EGLN3: variants seen among roughly 807,000 people sequenced by gnomAD.
EGLN3 encodes the protein egl-9 family hypoxia inducible factor 3.
Under a neutral mutation model 26.0 loss-of-function variants are expected in EGLN3, and 15 were observed. That is an observed-to-expected ratio of 0.58 (90% CI 0.39 to 0.89). The LOEUF is 0.89. Ranked by LOEUF, EGLN3 falls within the 40% of genes least tolerant of loss-of-function variation. The pLI, the probability that EGLN3 is intolerant of heterozygous loss-of-function variation, is 0.00. For synonymous variants in EGLN3, 147 were observed against 127.2 expected (o/e 1.16, Z -1.05); for missense variants, 238 against 311.6 (o/e 0.76, Z 1.78).
At chr14:33,937,312 C>G (rs560209384) in intron 1 of EGLN3, among the ~76,000 whole-genome samples, 2 of 152,212 alleles carry the variant, frequency 1.3e-5, no homozygotes, top group Admixed American at 6.5e-5. Flanking sequence ...TGTAAGCAAA[C>G]GTGAGCTCTT....
intron 3 of EGLN3, among the ~76,000 whole-genome samples, chr14:33,928,179 C>A (rs1261353414): frequency 4.6e-5 from 7 of 152,110 alleles, no homozygotes; most frequent in African/African-American, 1.7e-4. Flanking sequence ...TGGTAGAATT[C>A]GTTCCCTGCT....
At position 33,926,906 on chromosome 14, in the gene EGLN3, T is replaced by A. The variant is rs1036438713; in HGVS notation, c.688+54A>T. The A allele has an allele frequency of 3.7e-6, 5 of 1,352,832 alleles. No homozygotes were observed. In the South Asian group the frequency reaches 6.5e-5, roughly 18 times the overall value. 83.8% of individuals were successfully genotyped at this position (1,352,832 alleles called of 1,614,324 possible). A position where few individuals can be genotyped will look rare whatever the true frequency, so the allele number is the denominator to read the frequency against. The stretch of plus-strand genomic sequence containing the variant: ...ATGTTTAAAACTACATAAAATTGAA[T>A]AAAAGTCAAGGATTAACTTGATCAA... On this transcript the variant is annotated intron_variant, in intron 4 of 4. Coordinates refer to ENST00000250457, the MANE Select transcript of EGLN3 (RefSeq NM_022073.4).
Position 33,929,185 on chromosome 14 carries a change from G to A in EGLN3, c.505C>T (p.Pro169Ser). 1 of 1,614,178 alleles carries A rather than the reference G, an allele frequency of 6.2e-7. No homozygotes were observed. The highest frequency in any genetic ancestry group is 8.5e-7 in the Non-Finnish European group (1 of 1,180,008). ...TCTGCTATGAATGATTTCCCCTCTG[G>A]AAATATCCGCAGGATCCCACCATGT... ...KLHGGILRIF[P>S]EGKSFIADVE... The change falls in exon 3 of 5, where the codon CCA (proline) becomes TCA (serine). Residue 169 changes from proline (P) to serine (S), a missense_variant. By Grantham distance (74) the Pro-to-Ser change is moderately conservative. Transcript: ENST00000250457.
At chr14:33,935,442 A>G (rs1269934251) in intron 1 of EGLN3, among the ~76,000 whole-genome samples, 1 of 152,158 alleles carries the variant, frequency 6.6e-6, no homozygotes, top group Admixed American at 6.5e-5. Flanking sequence ...GGTGTGTGTT[A>G]TGCCACCTAC....
intron 1 of EGLN3, among the ~76,000 whole-genome samples, chr14:33,937,508 C>T (rs1048357688): frequency 6.6e-6 from 1 of 152,232 alleles, no homozygotes; most frequent in African/African-American, 2.4e-5. Flanking sequence ...ATAACACAAG[C>T]TGTGTCCAGC....
At chr14:33,937,018 C>T in intron 1 of EGLN3, among the ~76,000 whole-genome samples, 1 of 152,216 alleles carries the variant, frequency 6.6e-6, no homozygotes, top group Non-Finnish European at 1.5e-5. Context: ...TCTTCAAGGA[C>T]ATTTTGTGGG....
chr14:33,925,022 T>C lies in EGLN3; in HGVS notation c.*869A>G, dbSNP rs1326551224. On this transcript the variant is annotated 3_prime_UTR_variant, in exon 5 of 5. Coordinates refer to ENST00000250457, the MANE Select transcript of EGLN3 (RefSeq NM_022073.4). ...TCTCAAATTGTTCAAGATGCACACA[T>C]GTTTATTGTATATCAGTAGACCTAG... The C allele has an allele frequency of 6.7e-6, 1 of 149,394 alleles. No homozygotes were observed. Among genetic ancestry groups the C allele is most frequent in the African/African-American group, 2.5e-5 (1 of 40,680 alleles). The allele number at this position is 149,394 out of a possible 1,614,324, so 9.3% of individuals were successfully genotyped here.
chr14:33,932,820 G>C (rs973056979), intron 1 of EGLN3, among the ~76,000 whole-genome samples: 1 of 152,132 alleles, frequency 6.6e-6, no homozygotes, highest in African/African-American at 2.4e-5. Context: ...GCTTGAGGAA[G>C]GGTGATTGGT....
intron 2 of EGLN3, 144 bp from the exon 3 acceptor site, chr14:33,929,356 G>A: frequency 9.6e-7 from 1 of 1,043,058 alleles, no homozygotes; most frequent in East Asian, 2.6e-5. Context: ...CAACCTCATA[G>A]TTTGTACCAA....
At chr14:33,935,418 T>C (rs1379997596) in intron 1 of EGLN3, among the ~76,000 whole-genome samples, 3 of 152,152 alleles carry the variant, frequency 2.0e-5, no homozygotes, top group Non-Finnish European at 4.4e-5. Context: ...CCGGTATACA[T>C]GAGTCAGAAC....
Position 33,950,382 on chromosome 14 carries a change from C to G in EGLN3, c.357+14G>C, listed in dbSNP as rs757864103. 26 of 1,611,154 alleles carry G rather than the reference C, an allele frequency of 1.6e-5. No individual in the cohort carries two copies. The highest frequency in any genetic ancestry group is 4.0e-5 in the African/African-American group (3 of 74,920). On this transcript the variant is annotated intron_variant, in intron 1 of 4. Coordinates refer to ENST00000250457, the MANE Select transcript of EGLN3 (RefSeq NM_022073.4). ...CGCGGGAGCAGCTGCGGCAGGGCGC[C>G]GAGCGCGTCCTACCTTAGACCTCTC... is the stretch of plus-strand genomic sequence containing the variant.
In EGLN3 at chr14:33,925,573, T is replaced by G. The variant is rs891793735; in HGVS notation, c.*318A>C. 3.4e-6 allele frequency: 1 copy of G among 290,226 alleles called. No homozygotes were observed. 18.0% of individuals were successfully genotyped at this position (290,226 alleles called of 1,614,324 possible). On this transcript the variant is annotated 3_prime_UTR_variant, in exon 5 of 5. Transcript: ENST00000250457. ...AGTATACATAAAGTGCAAGTAAGGT[T>G]CATTCCCTCGCTGTGCTCCTAGGCT...
chr14:33,937,559 C>T (rs1416483945), intron 1 of EGLN3, among the ~76,000 whole-genome samples: 4 of 152,190 alleles, frequency 2.6e-5, no homozygotes, highest in Non-Finnish European at 5.9e-5. Flanking sequence ...TCTCACCAGA[C>T]CATTTGGAAG....
At chr14:33,935,605 A>C (rs1238371904) in intron 1 of EGLN3, among the ~76,000 whole-genome samples, 1 of 137,492 alleles carries the variant, frequency 7.3e-6, no homozygotes, top group East Asian at 2.0e-4. Context: ...ACACACACAC[A>C]CACACACACA....
chr14:33,941,552 TC>T (rs200881987), intron 1 of EGLN3, among the ~76,000 whole-genome samples: 13 of 137,332 alleles, frequency 9.5e-5, no homozygotes, highest in Non-Finnish European at 1.4e-4. Context: ...TTCCCCTCTA[TC>T]CCCCCCAAAA....
At chr14:33,926,921 A>G in intron 4 of EGLN3, 39 bp downstream of exon 4, 1 of 1,458,122 alleles carries the variant, frequency 6.9e-7, no homozygotes. Flanking sequence ...GTCAAGGATT[A>G]ACTTGATCAA....
Position 33,933,371 on chromosome 14 carries a change from G to A in EGLN3, c.358-2156C>T, listed in dbSNP as rs138931046. Among the ~76,000 whole-genome samples, 17 of 149,074 alleles carry A rather than the reference G, an allele frequency of 1.1e-4. No individual in the cohort carries two copies. The East Asian group carries it at 2.0e-3, about 17-fold the overall frequency. On this transcript the variant is annotated intron_variant, in intron 1 of 4. Coordinates refer to ENST00000250457, the MANE Select transcript of EGLN3 (RefSeq NM_022073.4). The stretch of plus-strand genomic sequence containing the variant: ...AAAAGTAAATCCTCTACCAAATGCC[G>A]CATCTATAAAACACACAGAGACAAA...
At chr14:33,941,294 G>A (rs1594382743) in intron 1 of EGLN3, among the ~76,000 whole-genome samples, 1 of 152,128 alleles carries the variant, frequency 6.6e-6, no homozygotes, top group African/African-American at 2.4e-5. Context: ...ACCAGAACCT[G>A]GGGCCCTAAG....
chr14:33,944,186 A>G (rs560539882), intron 1 of EGLN3, among the ~76,000 whole-genome samples: 1 of 152,002 alleles, frequency 6.6e-6, no homozygotes, highest in South Asian at 2.1e-4. Flanking sequence ...CAATGGTGCA[A>G]TCTCGGCTCA....
Sources: allele counts gnomAD v4.1 joint callset (sites outside exome capture counted in the v4.1 genomes callset), GRCh38; gene constraint gnomAD v4.1.1; transcripts MANE v1.5; gene names NCBI Gene and HGNC (gene_info 2026-07-23, HGNC 2026-07-21).